The following ABCB1 variants were observed in gnomAD, a reference collection of about 807,000 sequenced individuals.
The protein encoded by ABCB1 is ATP binding cassette subfamily B member 1.
ABCB1 carries 69 observed loss-of-function variants against 142.0 expected under a neutral mutation model. The observed-to-expected ratio is 0.49, with a 90% CI of 0.40 to 0.59. The LOEUF is 0.59. Among genes scored for constraint, ABCB1 ranks in the 20% least tolerant of loss-of-function variants. ABCB1 has a pLI of 0.00. For missense variants in ABCB1, 1,326 were observed against 1,554.7 expected (o/e 0.85, Z 2.47); for synonymous variants, 532 against 539.2 (o/e 0.99, Z 0.18).
rs142161615 is a variant in ABCB1, at chr7:87,530,570, G to A, written c.2685+724C>T. On this transcript the variant is annotated intron_variant, in intron 21 of 27. Transcript: ENST00000622132. ...TTAAATAATGGGAAAAAAAAGACAA[G>A]TATGCAGGGGAAAAAAAAGAAGTAA... is the stretch of plus-strand genomic sequence containing the variant. Among the ~76,000 whole-genome samples the A allele has an allele frequency of 9.7e-4, 146 of 151,194 alleles. 2 individuals carry two copies. In the East Asian group the frequency reaches 0.018, roughly 19 times the overall value.
chr7:87,544,083 C>T, intron 17 of ABCB1, 46 bp downstream of exon 17: 1 of 1,607,776 alleles, frequency 6.2e-7, no homozygotes, highest in South Asian at 1.1e-5. Flanking sequence ...GTTCATTCTT[C>T]CATCAGGATT....
intron 26 of ABCB1, 152 bp from the exon 27 acceptor site, chr7:87,506,195 A>G (rs1171839068): frequency 9.6e-6 from 7 of 731,228 alleles, no homozygotes; most frequent in Non-Finnish European, 1.6e-5. Context: ...AAAGAACAGT[A>G]AAAAAGCCCA....
intron 1 of ABCB1, among the ~76,000 whole-genome samples, chr7:87,630,648 A>T (rs757201535): frequency 1.7e-4 from 26 of 151,304 alleles, no homozygotes; most frequent in Non-Finnish European, 3.4e-4. Flanking sequence ...CTTTTGTTAA[A>T]CTTCACAAGG....
chr7:87,628,123 G>T (rs181485665), intron 1 of ABCB1, among the ~76,000 whole-genome samples: 1 of 151,616 alleles, frequency 6.6e-6, no homozygotes, highest in African/African-American at 2.4e-5. Context: ...CTACAGGCAA[G>T]GGGGGGGCAA....
chr7:87,529,000 G>T (rs1360448678), intron 21 of ABCB1, among the ~76,000 whole-genome samples: 1 of 152,182 alleles, frequency 6.6e-6, no homozygotes, highest in African/African-American at 2.4e-5. Flanking sequence ...ACAGAGTTTG[G>T]TAATCCATGA....
At chr7:87,639,242 A>C (rs1411335264) in intron 1 of ABCB1, among the ~76,000 whole-genome samples, 2 of 151,852 alleles carry the variant, frequency 1.3e-5, no homozygotes, top group Non-Finnish European at 2.9e-5. Context: ...ATTTCGAATG[A>C]ATTCTGTTGT....
chr7:87,608,758 GTA>G (rs1819748627), intron 1 of ABCB1, among the ~76,000 whole-genome samples: 1 of 152,114 alleles, frequency 6.6e-6, no homozygotes, highest in Non-Finnish European at 1.5e-5. Context: ...GTTCAATGAG[GTA>G]ACGTTCACTC....
intron 1 of ABCB1, among the ~76,000 whole-genome samples, chr7:87,702,264 GTTTTA>G (rs575267106): frequency 1.4e-4 from 20 of 143,290 alleles, no homozygotes; most frequent in African/African-American, 4.9e-4. Context: ...TGGGTTTATT[GTTTTA>G]TTTTATTTTA....
intron 4 of ABCB1, among the ~76,000 whole-genome samples, chr7:87,581,754 A>G (rs569776893): frequency 6.6e-6 from 1 of 152,332 alleles, no homozygotes; most frequent in South Asian, 2.1e-4. Flanking sequence ...TGTTTATTGT[A>G]AAAACCCCCA....
chr7:87,705,899 T>G (rs1013788852), intron 1 of ABCB1, among the ~76,000 whole-genome samples: 1 of 152,192 alleles, frequency 6.6e-6, no homozygotes, highest in East Asian at 1.9e-4. Context: ...GATTTCAAGT[T>G]CAAGAAATCC....
At chr7:87,690,102 A>G (rs530418759) in intron 1 of ABCB1, among the ~76,000 whole-genome samples, 17 of 152,196 alleles carry the variant, frequency 1.1e-4, no homozygotes, top group African/African-American at 3.6e-4. Context: ...AGGGCCGGGA[A>G]TACAGGTGTA....
At chr7:87,678,471 T>A (rs1412107902) in intron 1 of ABCB1, among the ~76,000 whole-genome samples, 1 of 152,142 alleles carries the variant, frequency 6.6e-6, no homozygotes, top group Non-Finnish European at 1.5e-5. Context: ...TAAGAGTTTT[T>A]AGCCAAAAAA....
chr7:87,661,699 G>A (rs1451796105), intron 1 of ABCB1, among the ~76,000 whole-genome samples: 1 of 151,934 alleles, frequency 6.6e-6, no homozygotes, highest in Non-Finnish European at 1.5e-5. Flanking sequence ...TGTGAATAGT[G>A]CTGCAATAAA....
At chr7:87,623,170 T>C (rs890970160) in intron 1 of ABCB1, among the ~76,000 whole-genome samples, 41 of 152,256 alleles carry the variant, frequency 2.7e-4, no homozygotes, top group African/African-American at 9.9e-4. Context: ...TTTCCTTGTT[T>C]GTAAATGGGA....
chr7:87,559,559 C>T (rs1286580803), intron 8 of ABCB1, among the ~76,000 whole-genome samples: 4 of 151,900 alleles, frequency 2.6e-5, no homozygotes, highest in African/African-American at 9.7e-5. Context: ...TTTGCTCTTA[C>T]CCTTATTATT....
intron 2 of ABCB1, among the ~76,000 whole-genome samples, chr7:87,596,122 T>C (rs891313673): frequency 1.3e-5 from 2 of 152,054 alleles, no homozygotes; most frequent in Non-Finnish European, 2.9e-5. Context: ...CCTTTGCAAT[T>C]AGAAAAATAT....
intron 8 of ABCB1, 105 bp from the exon 9 acceptor site, chr7:87,554,037 A>G (rs2048101642): frequency 1.9e-6 from 2 of 1,076,680 alleles, no homozygotes; most frequent in Admixed American, 1.9e-5. Context: ...TGTGATATAC[A>G]TGCATTTTGT....
At chr7:87,705,384 C>A (rs1054635321) in intron 1 of ABCB1, among the ~76,000 whole-genome samples, 1 of 152,204 alleles carries the variant, frequency 6.6e-6, no homozygotes, top group African/African-American at 2.4e-5. Context: ...CGAGATCATG[C>A]CATTGCACTG....
At position 87,593,777 on chromosome 7, in the gene ABCB1, A is replaced by G. The variant is rs1338148570; in HGVS notation, c.117+1989T>C. Among the ~76,000 whole-genome samples, 9 of 152,166 alleles carry G rather than the reference A, an allele frequency of 5.9e-5. No homozygotes were observed. In the East Asian group the frequency reaches 1.7e-3, roughly 29 times the overall value. ...CATTCTACAAGTGCTGTCTTAACTC[A>G]TTGCTTGGGGAAATTCAGTGTGCCC... is the stretch of plus-strand genomic sequence containing the variant. On this transcript the variant is annotated intron_variant, in intron 3 of 27. Transcript: ENST00000622132.
Sources: allele counts gnomAD v4.1 joint callset (sites outside exome capture counted in the v4.1 genomes callset), GRCh38; gene constraint gnomAD v4.1.1; transcripts MANE v1.5; gene names NCBI Gene and HGNC (gene_info 2026-07-23, HGNC 2026-07-21).